IMMT: variants seen among roughly 807,000 people sequenced by gnomAD.
IMMT encodes MICOS complex subunit MIC60.
IMMT carries 40 observed loss-of-function variants against 92.7 expected under a neutral mutation model. The ratio of observed to expected loss-of-function variants is 0.43; its 90% CI spans 0.34 to 0.56. The LOEUF is 0.56. Ranked by LOEUF, IMMT falls within the 20% of genes least tolerant of loss-of-function variation. The pLI is 0.03. For missense variants in IMMT, 831 were observed against 912.1 expected (o/e 0.91, Z 1.14); for synonymous variants, 322 against 336.1 (o/e 0.96, Z 0.46).
rs916351710 is a variant in IMMT at position 86,170,669 on chromosome 2, A to C, written c.655+80T>G. On this transcript the variant is annotated intron_variant, in intron 6 of 14. Coordinates refer to ENST00000410111, the MANE Select transcript of IMMT (RefSeq NM_006839.3). ...AGAAACCACAACTAGGTGATAGATGACAAACTTGTGCTGATAGTTTAAGAA... is the reference window on the plus strand; with the variant it reads ...AGAAACCACAACTAGGTGATAGATGCCAAACTTGTGCTGATAGTTTAAGAA... 29 of 931,646 alleles carry C rather than the reference A, an allele frequency of 3.1e-5. No homozygotes were observed. In the African/African-American group the frequency reaches 4.8e-4, roughly 15 times the overall value. The allele number at this position is 931,646 out of a possible 1,614,324, so 57.7% of individuals were successfully genotyped here. A position where few individuals can be genotyped will look rare whatever the true frequency, so the allele number is the denominator to read the frequency against.
intron 1 of IMMT, among the ~76,000 whole-genome samples, chr2:86,187,742 G>A (rs751924719): frequency 1.3e-5 from 2 of 151,838 alleles, no homozygotes; most frequent in Non-Finnish European, 2.9e-5. Flanking sequence ...GAAGCCCCGC[G>A]TCTCCAGTAA....
At position 86,159,688 on chromosome 2, in the gene IMMT, C is replaced by T. The variant is rs1390848708; in HGVS notation, c.897-17G>A. ...AACTCTTCTCTGGAAACCAACAAAACAAAGATTTAATATAACTTCTTGTCA... is the reference window on the plus strand; with the variant it reads ...AACTCTTCTCTGGAAACCAACAAAATAAAGATTTAATATAACTTCTTGTCA... On this transcript the variant is annotated splice_polypyrimidine_tract_variant and intron_variant, in intron 8 of 14. Transcript: ENST00000410111. 6 of 1,530,274 alleles carry T rather than the reference C, an allele frequency of 3.9e-6. No homozygotes were observed. The highest frequency in any genetic ancestry group is 4.4e-6 in the Non-Finnish European group (5 of 1,146,096). 94.8% of individuals were successfully genotyped at this position (1,530,274 alleles called of 1,614,324 possible).
chr2:86,169,508 G>C (rs891575808), intron 6 of IMMT, among the ~76,000 whole-genome samples: 1 of 152,110 alleles, frequency 6.6e-6, no homozygotes, highest in Non-Finnish European at 1.5e-5. Context: ...AAGGGAAACA[G>C]GAGCAAAACA....
chr2:86,144,530 T>A lies in IMMT; in HGVS notation c.2015A>T (p.Gln672Leu), dbSNP rs759448905. Residue 672 changes from glutamine to leucine, a missense_variant, in exon 15 of 15, where the codon CAG (glutamine) becomes CTG (leucine). Transcript: ENST00000410111. ...GAGCTCTGGGGGCGGCTTCAGTTGC[T>A]GAGGTGGGAATAGGAGCAGGGACTG... The part of the protein sequence containing the change: ...YLQSLLLFPP[Q>L]QLKPPPELCP... The A allele has an allele frequency of 6.2e-7, 1 of 1,614,016 alleles. No individual in the cohort carries two copies. The highest frequency in any genetic ancestry group is 1.1e-5 in the South Asian group (1 of 91,088).
chr2:86,182,688 T>C (rs60075464), intron 1 of IMMT, among the ~76,000 whole-genome samples: 4 of 151,970 alleles, frequency 2.6e-5, no homozygotes, highest in African/African-American at 7.2e-5. Flanking sequence ...CTACTACAAA[T>C]ACAAAAATTA....
At chr2:86,164,901 C>T (rs139370863) in intron 7 of IMMT, among the ~76,000 whole-genome samples, 12 of 152,198 alleles carry the variant, frequency 7.9e-5, no homozygotes, top group African/African-American at 2.9e-4. Flanking sequence ...ATTACCAAAT[C>T]CAACTCTTCA....
chr2:86,192,278 C>G (rs766097019), intron 1 of IMMT, among the ~76,000 whole-genome samples: 6 of 152,000 alleles, frequency 3.9e-5, no homozygotes, highest in African/African-American at 1.5e-4. Context: ...TCTGGAGAAT[C>G]TGAATATATA....
rs373098278 is a variant in IMMT at position 86,188,551 on chromosome 2, G to C, written c.45+6787C>G. 4.2e-4 allele frequency among the ~76,000 whole-genome samples: 63 copies of C among 151,448 alleles called. 1 individual carries two copies. The highest frequency in any genetic ancestry group is 4.0e-3 in the Admixed American group (60 of 15,140). ...CAATCCTCCCACCTCTCAGCCTACCGAGTAGCTAACACTACAGGTGCATGC... is the reference window on the plus strand; with the variant it reads ...CAATCCTCCCACCTCTCAGCCTACCCAGTAGCTAACACTACAGGTGCATGC... On this transcript the variant is annotated intron_variant, in intron 1 of 14. Coordinates refer to ENST00000410111, the MANE Select transcript of IMMT (RefSeq NM_006839.3).
intron 1 of IMMT, among the ~76,000 whole-genome samples, chr2:86,191,959 C>T (rs867840876): frequency 9.2e-5 from 14 of 151,880 alleles, no homozygotes; most frequent in Admixed American, 3.3e-4. Flanking sequence ...AGGCTGGGCA[C>T]TATGGCTCAC....
chr2:86,147,854 G>C (rs781101326), intron 12 of IMMT, 21 bp from the exon 13 acceptor site: 34 of 1,609,578 alleles, frequency 2.1e-5, no homozygotes, highest in Non-Finnish European at 2.6e-5. Context: ...AAACATAGTA[G>C]TTATTAGTTT....
At chr2:86,150,068 T>C (rs1348601919) in intron 12 of IMMT, among the ~76,000 whole-genome samples, 2 of 152,144 alleles carry the variant, frequency 1.3e-5, no homozygotes, top group Admixed American at 6.6e-5. Flanking sequence ...TGGGCTGGAA[T>C]AGCTGAGCAG....
chr2:86,155,256 ACTCC>A (rs1363554499), intron 10 of IMMT, among the ~76,000 whole-genome samples: 2 of 151,666 alleles, frequency 1.3e-5, no homozygotes, highest in African/African-American at 2.4e-5. Flanking sequence ...ACTAAACATC[ACTCC>A]CTCCTACACC....
At chr2:86,183,743 C>T (rs1672579705) in intron 1 of IMMT, among the ~76,000 whole-genome samples, 2 of 152,046 alleles carry the variant, frequency 1.3e-5, no homozygotes, top group Admixed American at 1.3e-4. Context: ...CCTGACTTTC[C>T]CCACCTTTAC....
intron 1 of IMMT, among the ~76,000 whole-genome samples, chr2:86,188,386 T>C (rs899752094): frequency 1.3e-5 from 2 of 152,028 alleles, no homozygotes; most frequent in Non-Finnish European, 2.9e-5. Context: ...TGCATACACA[T>C]ACACGCACAC....
chr2:86,186,431 G>A (rs1372182634), intron 1 of IMMT, among the ~76,000 whole-genome samples: 1 of 152,184 alleles, frequency 6.6e-6, no homozygotes, highest in Non-Finnish European at 1.5e-5. Flanking sequence ...CTTAAACAAG[G>A]GCAGGCCTTT....
At chr2:86,147,931 C>T (rs1034954832) in intron 12 of IMMT, 98 bp from the exon 13 acceptor site, 151 of 1,221,934 alleles carry the variant, frequency 1.2e-4, no homozygotes, top group Non-Finnish European at 1.7e-4. Flanking sequence ...CAGCAGCTTC[C>T]ATATCCTGAA....
chr2:86,184,712 C>T (rs1672640850), intron 1 of IMMT, among the ~76,000 whole-genome samples: 1 of 150,710 alleles, frequency 6.6e-6, no homozygotes, highest in East Asian at 1.9e-4. Context: ...CCTTCCAGAG[C>T]CTGTTGGTGA....
chr2:86,188,812 T>C (rs770000393), intron 1 of IMMT, among the ~76,000 whole-genome samples: 5 of 152,186 alleles, frequency 3.3e-5, no homozygotes, highest in Admixed American at 6.6e-5. Flanking sequence ...TCATCAGATA[T>C]GAGGGTCTAG....
intron 1 of IMMT, among the ~76,000 whole-genome samples, chr2:86,181,600 T>G (rs1170171647): frequency 6.6e-6 from 1 of 152,132 alleles, no homozygotes; most frequent in East Asian, 1.9e-4. Flanking sequence ...TAAAAAAAAA[T>G]TATCAGACTA....
Sources: allele counts gnomAD v4.1 joint callset (sites outside exome capture counted in the v4.1 genomes callset), GRCh38; gene constraint gnomAD v4.1.1; transcripts MANE v1.5; gene names NCBI Gene and HGNC (gene_info 2026-07-23, HGNC 2026-07-21).